RPS6KB1: variants seen among roughly 807,000 people sequenced by gnomAD.
RPS6KB1 encodes ribosomal protein S6 kinase B1.
RPS6KB1 carries 12 observed loss-of-function variants against 70.2 expected under a neutral mutation model. That is an observed-to-expected ratio of 0.17 (90% confidence interval 0.11 to 0.28). The LOEUF (loss-of-function observed/expected upper bound fraction) is 0.28. Among genes scored for constraint, RPS6KB1 ranks in the 10% least tolerant of loss-of-function variants. The probability of loss-of-function intolerance (pLI) is 1.00; values close to 1 mark genes in which losing one functional copy is unlikely to be tolerated. For missense variants in RPS6KB1, 270 were observed against 646.6 expected (o/e 0.42, Z 6.32); for synonymous variants, 175 against 211.2 (o/e 0.83, Z 1.49).
At chr17:59,903,522 A>G (rs2042084728) in intron 1 of RPS6KB1, among the ~76,000 whole-genome samples, 1 of 152,084 alleles carries the variant, frequency 6.6e-6, no homozygotes, top group Admixed American at 6.6e-5. Context: ...TATTGCCCAG[A>G]TCTTTGTGGA....
chr17:59,943,368 T>C (rs1206115458), intron 13 of RPS6KB1, among the ~76,000 whole-genome samples: 2 of 152,172 alleles, frequency 1.3e-5, no homozygotes, highest in African/African-American at 4.8e-5. Context: ...AATTTCAACT[T>C]ATGTGACAGT....
At chr17:59,917,757 T>C (rs992743444) in intron 4 of RPS6KB1, among the ~76,000 whole-genome samples, 3 of 151,606 alleles carry the variant, frequency 2.0e-5, no homozygotes, top group Non-Finnish European at 4.4e-5. Flanking sequence ...CTTTTAATCT[T>C]AAAGCTTTAG....
chr17:59,907,237 T>A (rs551326448), intron 1 of RPS6KB1: 2 of 151,698 alleles, frequency 1.3e-5, no homozygotes, highest in Non-Finnish European at 2.9e-5. Flanking sequence ...TCTCCTGACC[T>A]CGTGATCTGC....
chr17:59,912,432 CATAAA>C, intron 2 of RPS6KB1: 2 of 350,194 alleles, frequency 5.7e-6, no homozygotes, highest in East Asian at 5.7e-5. Context: ...CCCCTTTATG[CATAAA>C]ATAAACAATT....
At chr17:59,913,703 A>AT (rs2144803751) in intron 3 of RPS6KB1, 1 of 152,140 alleles carries the variant, frequency 6.6e-6, no homozygotes, top group South Asian at 2.1e-4. Flanking sequence ...TTTTTATTTT[A>AT]TTTTTTATGA....
chr17:59,915,424 C>T (rs545617414), intron 4 of RPS6KB1, among the ~76,000 whole-genome samples: 2 of 152,134 alleles, frequency 1.3e-5, no homozygotes, highest in East Asian at 3.9e-4. Context: ...GGTAACTCTT[C>T]ACTGTTTCTG....
intron 13 of RPS6KB1, among the ~76,000 whole-genome samples, chr17:59,943,811 A>G (rs2044753686): frequency 6.6e-6 from 1 of 150,612 alleles, no homozygotes; most frequent in Non-Finnish European, 1.5e-5. Flanking sequence ...AGGAGGTTGT[A>G]ATGAGCTGAG....
intron 12 of RPS6KB1, among the ~76,000 whole-genome samples, chr17:59,939,374 C>T (rs1308427315): frequency 1.3e-5 from 2 of 152,084 alleles, no homozygotes; most frequent in Admixed American, 6.6e-5. Flanking sequence ...CTTGACTTCC[C>T]GGCCTCCAGC....
Position 59,947,167 on chromosome 17 carries a change from A to G in RPS6KB1, c.*379A>G. ...TTATCCTTTCATTAGGCAAAGTACA[A>G]AATTGCCTATAATACTTGCAACTAA... On this transcript the variant is annotated 3_prime_UTR_variant, in exon 15 of 15. Coordinates refer to ENST00000225577, the MANE Select transcript of RPS6KB1 (RefSeq NM_003161.4). 2 of 1,055,794 alleles carry G rather than the reference A, an allele frequency of 1.9e-6. No individual in the cohort carries two copies. The highest frequency in any genetic ancestry group is 7.6e-5 in the South Asian group (2 of 26,194). 65.4% of individuals were successfully genotyped at this position (1,055,794 alleles called of 1,614,324 possible).
Position 59,893,155 on chromosome 17 carries a change from G to A in RPS6KB1, c.-30G>A. On this transcript the variant is annotated 5_prime_UTR_variant, in exon 1 of 15. Coordinates refer to ENST00000225577, the MANE Select transcript of RPS6KB1 (RefSeq NM_003161.4). This position sits in a 1 kb window ranked among gnomAD's most constrained non-coding sequence, Gnocchi z 4.1. ...CTAAGCAGCCGGTGATGGCGGCAGCGGCTGTGGTGGCTGCGGCGGGTCCGG... is the reference window on the plus strand; with the variant it reads ...CTAAGCAGCCGGTGATGGCGGCAGCAGCTGTGGTGGCTGCGGCGGGTCCGG... 6.2e-7 allele frequency: 1 copy of A among 1,600,168 alleles called. No individual in the cohort carries two copies. The highest frequency in any genetic ancestry group is 8.5e-7 in the Non-Finnish European group (1 of 1,174,414).
At chr17:59,901,276 A>ACT (rs1203462574) in intron 1 of RPS6KB1, among the ~76,000 whole-genome samples, 9 of 150,938 alleles carry the variant, frequency 6.0e-5, no homozygotes, top group Admixed American at 2.6e-4. Flanking sequence ...CAGCCTCCCG[A>ACT]GTAGCTGGGA....
intron 13 of RPS6KB1, among the ~76,000 whole-genome samples, chr17:59,943,538 G>T (rs1316443127): frequency 1.3e-5 from 2 of 152,064 alleles, no homozygotes; most frequent in Non-Finnish European, 2.9e-5. Flanking sequence ...CATTTGTTAG[G>T]TTGTAGCCAG....
At chr17:59,919,463 T>C (rs1211975545) in intron 4 of RPS6KB1, among the ~76,000 whole-genome samples, 2 of 152,070 alleles carry the variant, frequency 1.3e-5, no homozygotes, top group Admixed American at 6.6e-5. Flanking sequence ...CTCAAATAAA[T>C]AAATAAGTAA....
intron 2 of RPS6KB1, among the ~76,000 whole-genome samples, chr17:59,911,613 C>T (rs927380906): frequency 2.0e-4 from 27 of 138,388 alleles, no homozygotes; most frequent in Admixed American, 8.0e-4. Flanking sequence ...GGCATGATCT[C>T]GGCCCACTGC....
intron 10 of RPS6KB1, 114 bp downstream of exon 10, chr17:59,935,414 G>T: frequency 1.9e-6 from 1 of 513,034 alleles, no homozygotes; most frequent in Non-Finnish European, 3.4e-6. Context: ...GAACAAAAAA[G>T]TCTTCAATTT....
chr17:59,938,131 CTTAGT>C (rs1321200017), intron 12 of RPS6KB1, among the ~76,000 whole-genome samples: 7 of 137,438 alleles, frequency 5.1e-5, no homozygotes, highest in Admixed American at 3.0e-4. Context: ...TGACAGTTTC[CTTAGT>C]TGTTTTTTTT....
chr17:59,911,619 A>G (rs955438559), intron 2 of RPS6KB1, among the ~76,000 whole-genome samples: 1 of 132,926 alleles, frequency 7.5e-6, no homozygotes, highest in East Asian at 2.3e-4. Context: ...ATCTCGGCCC[A>G]CTGCAACCTC....
At chr17:59,902,501 T>C (rs2042015896) in intron 1 of RPS6KB1, among the ~76,000 whole-genome samples, 1 of 152,124 alleles carries the variant, frequency 6.6e-6, no homozygotes, top group Non-Finnish European at 1.5e-5. Flanking sequence ...ATTTTGTTTA[T>C]CCATTTACCG....
intron 12 of RPS6KB1, among the ~76,000 whole-genome samples, chr17:59,939,958 G>A (rs2044479162): frequency 6.6e-6 from 1 of 152,224 alleles, no homozygotes; most frequent in African/African-American, 2.4e-5. Flanking sequence ...GGTTAGAACT[G>A]AAGTGATAAC....
Sources: allele counts gnomAD v4.1 joint callset (sites outside exome capture counted in the v4.1 genomes callset), GRCh38; gene constraint gnomAD v4.1.1; non-coding constraint Gnocchi (gnomAD v3.1); transcripts MANE v1.5; gene names NCBI Gene and HGNC (gene_info 2026-07-23, HGNC 2026-07-21).